Variants in PPARGC1A observed in about 807,000 individuals in gnomAD.
The protein encoded by PPARGC1A is peroxisome proliferator-activated receptor gamma coactivator 1-alpha.
PPARGC1A carries 25 observed loss-of-function variants against 88.7 expected under a neutral mutation model. That is an observed-to-expected ratio of 0.28 (90% CI 0.21 to 0.39). The LOEUF (loss-of-function observed/expected upper bound fraction) is 0.39, where lower values mean the gene tolerates loss of function less well. PPARGC1A is among the 10% of genes least tolerant of loss of function. PPARGC1A has a pLI of 1.00. For missense variants in PPARGC1A, 880 were observed against 968.7 expected, an observed-to-expected ratio of 0.91 and a Z score of 1.22; for synonymous variants, 363 against 355.6, an observed-to-expected ratio of 1.02 and a Z score of -0.24.
At chr4:24,350,283 G>A in the PPARGC1A span, among the ~76,000 whole-genome samples, 1 of 152,190 alleles carries the variant, frequency 6.6e-6, no homozygotes, top group Non-Finnish European at 1.5e-5. Flanking sequence ...GGGATTACAG[G>A]CATGAGCCAC....
At chr4:23,952,428 CCTCT>C in the PPARGC1A span, among the ~76,000 whole-genome samples, 1 of 152,062 alleles carries the variant, frequency 6.6e-6, no homozygotes, top group Non-Finnish European at 1.5e-5. Context: ...GGGCTCAAGG[CCTCT>C]CTTTTTCACT....
the PPARGC1A span, among the ~76,000 whole-genome samples, chr4:24,089,499 TC>T: frequency 6.6e-4 from 63 of 94,772 alleles, 2 homozygotes; most frequent in East Asian, 2.5e-3. Context: ...TCTTTTCTTT[TC>T]TTTTCTTTTC....
At chr4:24,463,674 T>G in the PPARGC1A span, among the ~76,000 whole-genome samples, 1 of 152,082 alleles carries the variant, frequency 6.6e-6, no homozygotes, top group South Asian at 2.1e-4. Flanking sequence ...TTGAAGAGGG[T>G]GTGGTTCTTT....
the PPARGC1A span, among the ~76,000 whole-genome samples, chr4:24,158,541 CTAGA>C: frequency 6.6e-6 from 1 of 152,106 alleles, no homozygotes; most frequent in African/African-American, 2.4e-5. Flanking sequence ...TTTTACAGGC[CTAGA>C]TAATTATATT....
At chr4:24,429,384 A>T in the PPARGC1A span, among the ~76,000 whole-genome samples, 2 of 151,776 alleles carry the variant, frequency 1.3e-5, no homozygotes, top group African/African-American at 4.8e-5. Flanking sequence ...CTCCTGCGTC[A>T]CCCCCTACAA....
At chr4:24,168,502 A>G in the PPARGC1A span, among the ~76,000 whole-genome samples, 4 of 152,220 alleles carry the variant, frequency 2.6e-5, no homozygotes, top group Non-Finnish European at 5.9e-5. Context: ...TCATTCTCCA[A>G]TAAAAGGAAT....
At chr4:24,316,347 T>C in the PPARGC1A span, among the ~76,000 whole-genome samples, 1 of 152,236 alleles carries the variant, frequency 6.6e-6, no homozygotes, top group African/African-American at 2.4e-5. Flanking sequence ...ATCAAGATTC[T>C]AAACCAGACT....
the PPARGC1A span, among the ~76,000 whole-genome samples, chr4:24,426,444 A>C: frequency 2.6e-5 from 4 of 152,238 alleles, no homozygotes; most frequent in Non-Finnish European, 4.4e-5. Flanking sequence ...GCTTCTTCCC[A>C]AAACAAAACC....
chr4:24,013,634 TC>T, the PPARGC1A span, among the ~76,000 whole-genome samples: 51 of 152,234 alleles, frequency 3.4e-4, 1 homozygote, highest in South Asian at 9.5e-3. Flanking sequence ...TCTCAAATAT[TC>T]CCTTGCTGTC....
chr4:24,268,989 T>C, the PPARGC1A span, among the ~76,000 whole-genome samples: 1 of 152,284 alleles, frequency 6.6e-6, no homozygotes, highest in East Asian at 1.9e-4. Context: ...ACAAAGTATG[T>C]GTAAATGAAC....
the PPARGC1A span, among the ~76,000 whole-genome samples, chr4:24,472,126 G>A: frequency 6.6e-6 from 1 of 152,222 alleles, no homozygotes; most frequent in Non-Finnish European, 1.5e-5. The surrounding 1 kb of genome is among the most constrained non-coding windows in gnomAD (Gnocchi z 4.5). Flanking sequence ...CTGGGAGGTG[G>A]TGGGGGAAGG....
At chr4:23,993,788 G>A in the PPARGC1A span, among the ~76,000 whole-genome samples, 3 of 152,064 alleles carry the variant, frequency 2.0e-5, no homozygotes, top group African/African-American at 7.2e-5. Context: ...AAGTCAGCAG[G>A]AATTTAGAGG....
the PPARGC1A span, among the ~76,000 whole-genome samples, chr4:24,466,113 G>T: frequency 6.6e-6 from 1 of 152,094 alleles, no homozygotes; most frequent in African/African-American, 2.4e-5. Flanking sequence ...TATCTCTCAG[G>T]CTAGATCTAC....
the PPARGC1A span, among the ~76,000 whole-genome samples, chr4:24,259,295 C>CT: frequency 6.6e-6 from 1 of 152,180 alleles, no homozygotes; most frequent in Non-Finnish European, 1.5e-5. Flanking sequence ...GCACTGACCC[C>CT]TTCACTCATC....
intron 2 of PPARGC1A, among the ~76,000 whole-genome samples, chr4:23,865,493 T>A (rs1190371062): frequency 6.6e-6 from 1 of 152,118 alleles, no homozygotes; most frequent in East Asian, 1.9e-4. Flanking sequence ...TCAGGTAGAA[T>A]CAGATCTATT....
chr4:24,325,164 G>A, the PPARGC1A span, among the ~76,000 whole-genome samples: 2 of 152,094 alleles, frequency 1.3e-5, no homozygotes, highest in Admixed American at 6.5e-5. Context: ...TTCATGGCTC[G>A]TTCCCCAGCA....
At chr4:23,860,362 T>C (rs1369407326) in intron 2 of PPARGC1A, among the ~76,000 whole-genome samples, 2 of 151,596 alleles carry the variant, frequency 1.3e-5, no homozygotes, top group East Asian at 2.0e-4. Context: ...AGTGTACAAA[T>C]TGCAATTATG....
the PPARGC1A span, among the ~76,000 whole-genome samples, chr4:23,943,592 A>G: frequency 0.012 from 1,785 of 152,288 alleles, 16 homozygotes; most frequent in Middle Eastern, 0.024. Flanking sequence ...CAATGTGGAC[A>G]TGCAATCATG....
chr4:23,972,846 T>C, the PPARGC1A span, among the ~76,000 whole-genome samples: 1 of 152,194 alleles, frequency 6.6e-6, no homozygotes, highest in Non-Finnish European at 1.5e-5. Flanking sequence ...GGAAGATGCT[T>C]GAAAGACACA....
Sources: allele counts gnomAD v4.1 joint callset (sites outside exome capture counted in the v4.1 genomes callset), GRCh38; gene constraint gnomAD v4.1.1; non-coding constraint Gnocchi (gnomAD v3.1); transcripts MANE v1.5; gene names NCBI Gene and HGNC (gene_info 2026-07-23, HGNC 2026-07-21).